The following YY1 variants were observed in gnomAD, a reference collection of about 807,000 sequenced individuals.
YY1 encodes YY1 transcription factor, also known as transcriptional repressor protein YY1.
YY1 carries 2 observed loss-of-function variants against 35.6 expected under a neutral mutation model. The observed-to-expected ratio is 0.06, with a 90% CI of 0.02 to 0.18. The LOEUF is 0.18. YY1 is among the 10% of genes least tolerant of loss of function. The probability of loss-of-function intolerance (pLI) is 1.00; values close to 1 mark genes in which losing one functional copy is unlikely to be tolerated. For synonymous variants in YY1, 268 were observed against 238.9 expected, an observed-to-expected ratio of 1.12 and a Z score of -1.12; for missense variants, 322 against 573.4, an observed-to-expected ratio of 0.56 and a Z score of 4.48.
intron 1 of YY1, among the ~76,000 whole-genome samples, chr14:100,244,498 G>A (rs996869342): frequency 1.4e-4 from 21 of 151,168 alleles, no homozygotes; most frequent in African/African-American, 5.1e-4. Context: ...GCCCAGGCTT[G>A]TCTTGAACTC....
chr14:100,272,269 C>T (rs1481528034), intron 2 of YY1, among the ~76,000 whole-genome samples: 1 of 148,808 alleles, frequency 6.7e-6, no homozygotes, highest in Non-Finnish European at 1.5e-5. Context: ...GCACTCCAGC[C>T]TGGGTGACAG....
At position 100,278,782 on chromosome 14, in the gene YY1, C is replaced by CT. The variant is rs1891365224; in HGVS notation, c.*1182_*1183insT. The CT allele has an allele frequency of 6.6e-6, 1 of 152,276 alleles. No individual in the cohort carries two copies. Among genetic ancestry groups the CT allele is most frequent in the African/African-American group, 2.4e-5 (1 of 41,456 alleles). 9.4% of individuals were successfully genotyped at this position (152,276 alleles called of 1,614,324 possible). A position where few individuals can be genotyped will look rare whatever the true frequency, so the allele number is the denominator to read the frequency against. On this transcript the variant is annotated 3_prime_UTR_variant, in exon 5 of 5. Coordinates refer to ENST00000262238, the MANE Select transcript of YY1 (RefSeq NM_003403.5). Reference sequence around the variant, plus strand: ...GGCAAGTGTGAGTGAAGCATCTGTACCACCGCGCAGGCTGAGCGCCTGCGC... The same window carrying CT: ...GGCAAGTGTGAGTGAAGCATCTGTACTCACCGCGCAGGCTGAGCGCCTGCGC...
chr14:100,273,931 GC>G (rs1189053084), intron 2 of YY1, among the ~76,000 whole-genome samples: 1 of 152,050 alleles, frequency 6.6e-6, no homozygotes, highest in Admixed American at 6.5e-5. Context: ...TTCACCTGGG[GC>G]TCTGCCAGAC....
intron 1 of YY1, among the ~76,000 whole-genome samples, chr14:100,248,185 G>A (rs868580041): frequency 4.8e-5 from 7 of 144,912 alleles, no homozygotes; most frequent in Middle Eastern, 4.1e-3. Context: ...GCGCGATCTC[G>A]GCTCACTGCA....
chr14:100,272,944 G>GTTT (rs1398123441), intron 2 of YY1, among the ~76,000 whole-genome samples: 4 of 90,460 alleles, frequency 4.4e-5, no homozygotes, highest in South Asian at 1.1e-3. Context: ...CCCCCAGCTA[G>GTTT]TTTTTTGTTG....
At chr14:100,248,535 A>G (rs1485493683) in intron 1 of YY1, among the ~76,000 whole-genome samples, 1 of 152,042 alleles carries the variant, frequency 6.6e-6, no homozygotes, top group Non-Finnish European at 1.5e-5. Context: ...TATGTTGTTG[A>G]AACTGGAGTG....
chr14:100,260,469 A>ATT (rs34225673), intron 1 of YY1, among the ~76,000 whole-genome samples: 7 of 139,106 alleles, frequency 5.0e-5, no homozygotes, highest in Non-Finnish European at 7.7e-5. Context: ...ACATATATGT[A>ATT]TTTTTTTTTT....
In YY1 at chr14:100,242,394, T is replaced by G. The variant is rs879120212; in HGVS notation, c.679+2471T>G. On this transcript the variant is annotated intron_variant, in intron 1 of 4. Coordinates refer to ENST00000262238, the MANE Select transcript of YY1 (RefSeq NM_003403.5). Reference sequence around the variant, plus strand: ...TTGTTTTTTGTTTTTTTTTTTTTTTTTTTTTTTTTTTTGAGATGGAGTCTC... The same window carrying G: ...TTGTTTTTTGTTTTTTTTTTTTTTTGTTTTTTTTTTTTGAGATGGAGTCTC... Among the ~76,000 whole-genome samples, 558 of 145,052 alleles carry G rather than the reference T, an allele frequency of 3.8e-3. 13 individuals are homozygous for G. Among genetic ancestry groups the G allele is most frequent in the South Asian group, 0.014 (62 of 4,366 alleles).
intron 2 of YY1, among the ~76,000 whole-genome samples, chr14:100,269,987 G>A (rs1027471511): frequency 1.8e-4 from 27 of 152,064 alleles, no homozygotes; most frequent in Admixed American, 1.4e-3. Flanking sequence ...AAGTGGCCAG[G>A]CGCGGTGGCT....
intron 2 of YY1, among the ~76,000 whole-genome samples, chr14:100,270,262 CAAAAAAAAA>C (rs55649674): frequency 9.2e-5 from 4 of 43,522 alleles, no homozygotes; most frequent in East Asian, 7.1e-4. Context: ...GACTCTGTCT[CAAAAAAAAA>C]AAAAAAAAAA....
At chr14:100,240,405 G>T (rs940782763) in intron 1 of YY1, among the ~76,000 whole-genome samples, 8 of 149,648 alleles carry the variant, frequency 5.3e-5, no homozygotes, top group African/African-American at 2.0e-4. Flanking sequence ...CCCGCCCGGC[G>T]CTGCCGTTAC....
chr14:100,276,995 A>T lies in YY1; in HGVS notation c.1062+347A>T. 1 of 413,758 alleles carries T rather than the reference A, an allele frequency of 2.4e-6. No individual in the cohort carries two copies. The highest frequency in any genetic ancestry group is 4.5e-6 in the Non-Finnish European group (1 of 223,844). 25.6% of individuals were successfully genotyped at this position (413,758 alleles called of 1,614,324 possible). A position where few individuals can be genotyped will look rare whatever the true frequency, so the allele number is the denominator to read the frequency against. Reference sequence around the variant, plus strand: ...TTTGGTAGTTAATAGTATAATTACTAACTGATAAAGTTTCTAGAGTGTAAG... The same window carrying T: ...TTTGGTAGTTAATAGTATAATTACTTACTGATAAAGTTTCTAGAGTGTAAG... On this transcript the variant is annotated intron_variant, in intron 4 of 4. Transcript: ENST00000262238. The surrounding 1 kb of genome is among the most constrained non-coding windows in gnomAD (Gnocchi z 4.1).
At chr14:100,270,983 C>T (rs1341789047) in intron 2 of YY1, among the ~76,000 whole-genome samples, 2 of 151,454 alleles carry the variant, frequency 1.3e-5, no homozygotes, top group East Asian at 1.9e-4. Flanking sequence ...CGGTGGCTCA[C>T]GCCTGTAATC....
intron 1 of YY1, among the ~76,000 whole-genome samples, chr14:100,257,856 G>A (rs1595322428): frequency 6.6e-6 from 1 of 152,316 alleles, no homozygotes; most frequent in Admixed American, 6.5e-5. Context: ...TTCTGTATCA[G>A]AAATATAAAA....
rs1890682068 is a variant in YY1, at chr14:100,239,188, C to T, written c.-57C>T. On this transcript the variant is annotated 5_prime_UTR_variant, in exon 1 of 5. Transcript: ENST00000262238. ...CCACGGCCGGCCGCCTCCTCGCCCG[C>T]CCGCCCGCAGCCGAGGAGCCGAGGC... The T allele has an allele frequency of 1.5e-6, 2 of 1,356,526 alleles. No homozygotes were observed. The highest frequency in any genetic ancestry group is 1.6e-5 in the African/African-American group (1 of 64,034). 84.0% of individuals were successfully genotyped at this position (1,356,526 alleles called of 1,614,324 possible).
chr14:100,256,485 G>T (rs1036244284), intron 1 of YY1, among the ~76,000 whole-genome samples: 4 of 152,146 alleles, frequency 2.6e-5, no homozygotes, highest in Non-Finnish European at 4.4e-5. Flanking sequence ...GGACAAAATG[G>T]TATGTATGTA....
chr14:100,241,350 GGAAT>G (rs1387155062), intron 1 of YY1, among the ~76,000 whole-genome samples: 1 of 152,122 alleles, frequency 6.6e-6, no homozygotes, highest in Non-Finnish European at 1.5e-5. Flanking sequence ...AAAATTCGGA[GGAAT>G]GAATGAAACA....
intron 1 of YY1, among the ~76,000 whole-genome samples, chr14:100,249,763 T>TTG (rs10663716): frequency 7.3e-6 from 1 of 137,298 alleles, no homozygotes; most frequent in East Asian, 2.0e-4. Flanking sequence ...TTTTTTTGTT[T>TTG]GTTTTTGTTT....
At position 100,281,155 on chromosome 14, in the gene YY1, A is replaced by AG. The variant is rs1891422932; in HGVS notation, c.*3558dup. The AG allele has an allele frequency of 6.8e-6, 1 of 146,256 alleles. No individual in the cohort carries two copies. Among genetic ancestry groups the AG allele is most frequent in the Admixed American group, 6.9e-5 (1 of 14,426 alleles). The allele number at this position is 146,256 out of a possible 1,614,324, so 9.1% of individuals were successfully genotyped here. ...TAGGCAAAGAGAGTTGATCACTTCC[A>AG]GGGTCTCTGACTTCTGTGACCTGGA... On this transcript the variant is annotated 3_prime_UTR_variant, in exon 5 of 5. Coordinates refer to ENST00000262238, the MANE Select transcript of YY1 (RefSeq NM_003403.5).
Sources: allele counts gnomAD v4.1 joint callset (sites outside exome capture counted in the v4.1 genomes callset), GRCh38; gene constraint gnomAD v4.1.1; non-coding constraint Gnocchi (gnomAD v3.1); transcripts MANE v1.5; gene names NCBI Gene and HGNC (gene_info 2026-07-23, HGNC 2026-07-21).